Variants in TRAT1 observed in about 807,000 individuals in gnomAD.
The protein encoded by TRAT1 is T cell receptor associated transmembrane adaptor 1, also known as T-cell receptor-associated transmembrane adapter 1.
A neutral mutation model predicts 20.0 loss-of-function variants in TRAT1; 20 were observed. The observed-to-expected ratio is 1.00, with a 90% confidence interval of 0.70 to 1.45. TRAT1 has a LOEUF of 1.45. Among genes scored for constraint, TRAT1 ranks in the 40% most tolerant of loss-of-function variants. TRAT1 has a pLI of 0.00. For missense variants in TRAT1, 237 were observed against 224.1 expected (o/e 1.06, Z -0.37); for synonymous variants, 77 against 74.2 (o/e 1.04, Z -0.20).
chr3:108,823,003 C>T (rs1405534850), intron 1 of TRAT1, 69 bp downstream of exon 1: 20 of 1,302,956 alleles, frequency 1.5e-5, no homozygotes, highest in South Asian at 6.2e-5. Flanking sequence ...TAAGTCCTAA[C>T]GAGAAGACCC....
At chr3:108,826,567 A>G (rs950131762) in intron 1 of TRAT1, among the ~76,000 whole-genome samples, 1 of 152,180 alleles carries the variant, frequency 6.6e-6, no homozygotes, top group Non-Finnish European at 1.5e-5. Flanking sequence ...AAAATCATCA[A>G]GAATGTGCCT....
At chr3:108,840,401 G>A (rs1382915547) in intron 3 of TRAT1, among the ~76,000 whole-genome samples, 1 of 152,116 alleles carries the variant, frequency 6.6e-6, no homozygotes, top group East Asian at 1.9e-4. Flanking sequence ...AAGATGCAAT[G>A]TGATAGAAAG....
chr3:108,829,586 AACAC>A (rs144318236), intron 1 of TRAT1, among the ~76,000 whole-genome samples: 22 of 142,560 alleles, frequency 1.5e-4, no homozygotes, highest in South Asian at 4.5e-4. Context: ...TCCATCTCAA[AACAC>A]ACACACACAC....
At chr3:108,825,390 T>C (rs530178184) in intron 1 of TRAT1, among the ~76,000 whole-genome samples, 18 of 152,240 alleles carry the variant, frequency 1.2e-4, no homozygotes, top group Admixed American at 8.5e-4. Context: ...ATTTAAATAA[T>C]GATTCACAAT....
At chr3:108,829,479 G>A (rs1205490658) in intron 1 of TRAT1, among the ~76,000 whole-genome samples, 1 of 151,996 alleles carries the variant, frequency 6.6e-6, no homozygotes, top group Non-Finnish European at 1.5e-5. Context: ...AGCTACTTGG[G>A]AGGCTGAGAC....
intron 1 of TRAT1, among the ~76,000 whole-genome samples, chr3:108,830,085 T>C (rs1945779084): frequency 6.6e-6 from 1 of 152,144 alleles, no homozygotes; most frequent in Non-Finnish European, 1.5e-5. Context: ...CCTGACCCTG[T>C]GTAGGCCTAG....
At chr3:108,825,681 C>T (rs1379537576) in intron 1 of TRAT1, among the ~76,000 whole-genome samples, 1 of 152,000 alleles carries the variant, frequency 6.6e-6, no homozygotes, top group Admixed American at 6.6e-5. Flanking sequence ...AATAAATGTC[C>T]CCAAGTTGCT....
At chr3:108,838,356 T>TGATAGATAGATAGATA (rs11371183) in intron 2 of TRAT1, among the ~76,000 whole-genome samples, 20 of 77,012 alleles carry the variant, frequency 2.6e-4, no homozygotes, top group African/African-American at 3.5e-4. Context: ...TATAGATAGA[T>TGATAGATAGATAGATA]GATAGATAGA....
At chr3:108,823,914 C>T (rs1285259364) in intron 1 of TRAT1, among the ~76,000 whole-genome samples, 1 of 151,904 alleles carries the variant, frequency 6.6e-6, no homozygotes, top group Non-Finnish European at 1.5e-5. Flanking sequence ...TCTTTGTTGC[C>T]AGGCAGGAGT....
At chr3:108,830,802 C>T (rs1340278112) in intron 2 of TRAT1, 22 bp downstream of exon 2, 5 of 1,470,334 alleles carry the variant, frequency 3.4e-6, no homozygotes, top group East Asian at 2.3e-5. Context: ...TGACAAATTT[C>T]ACATGGTACC....
chr3:108,834,889 C>T (rs191908729), intron 2 of TRAT1, among the ~76,000 whole-genome samples: 1 of 152,182 alleles, frequency 6.6e-6, no homozygotes, highest in Non-Finnish European at 1.5e-5. Context: ...TCTCATTCTC[C>T]CTAAAATAAA....
At chr3:108,830,117 C>T (rs1945779378) in intron 1 of TRAT1, among the ~76,000 whole-genome samples, 1 of 152,110 alleles carries the variant, frequency 6.6e-6, no homozygotes, top group Admixed American at 6.5e-5. Flanking sequence ...GTGTAATTAA[C>T]TTTCCACTTT....
chr3:108,852,401 A>G (rs1317193159), intron 5 of TRAT1, among the ~76,000 whole-genome samples: 4 of 146,126 alleles, frequency 2.7e-5, no homozygotes, highest in African/African-American at 4.9e-5. Context: ...ACGCATGCAC[A>G]CACACACACA....
chr3:108,839,972 T>C (rs757668849), intron 3 of TRAT1, among the ~76,000 whole-genome samples: 1 of 152,074 alleles, frequency 6.6e-6, no homozygotes, highest in Non-Finnish European at 1.5e-5. Flanking sequence ...AAAAAAAATC[T>C]AAATAAAGAG....
chr3:108,843,554 AAACAACAAC>A (rs201841156), intron 3 of TRAT1, among the ~76,000 whole-genome samples: 1 of 151,892 alleles, frequency 6.6e-6, no homozygotes, highest in African/African-American at 2.4e-5. Flanking sequence ...AAAATAAACA[AAACAACAAC>A]AACAACAACA....
chr3:108,826,230 G>GTGATTT (rs1945737919), intron 1 of TRAT1, among the ~76,000 whole-genome samples: 1 of 151,900 alleles, frequency 6.6e-6, no homozygotes, highest in Admixed American at 6.6e-5. Flanking sequence ...GTGAGATTCA[G>GTGATTT]CCACACAACT....
intron 4 of TRAT1, among the ~76,000 whole-genome samples, chr3:108,847,700 C>T (rs1945960055): frequency 6.6e-6 from 1 of 152,124 alleles, no homozygotes; most frequent in Non-Finnish European, 1.5e-5. Flanking sequence ...TCCCAGACAT[C>T]TAAAAATGAA....
chr3:108,850,376 C>T (rs898661905), intron 5 of TRAT1, among the ~76,000 whole-genome samples: 18 of 151,662 alleles, frequency 1.2e-4, no homozygotes, highest in African/African-American at 2.9e-4. Context: ...ACAATCTCCA[C>T]TCACTGCAAC....
chr3:108,830,167 G>A (rs1403246302), intron 1 of TRAT1, among the ~76,000 whole-genome samples: 8 of 152,112 alleles, frequency 5.3e-5, no homozygotes, highest in Admixed American at 4.6e-4. Flanking sequence ...AAAGCTCCCT[G>A]TGGCCAATCT....
Sources: allele counts gnomAD v4.1 joint callset (sites outside exome capture counted in the v4.1 genomes callset), GRCh38; gene constraint gnomAD v4.1.1; transcripts MANE v1.5; gene names NCBI Gene and HGNC (gene_info 2026-07-23, HGNC 2026-07-21).